Variants in LDB2 observed in about 807,000 individuals in gnomAD.
The protein encoded by LDB2 is LIM domain binding 2.
A neutral mutation model predicts 44.3 loss-of-function variants in LDB2; 12 were observed. That is an observed-to-expected ratio of 0.27 (90% confidence interval 0.17 to 0.44). LDB2 has a LOEUF of 0.44. LDB2 is among the 20% of genes least tolerant of loss of function. LDB2 has a pLI of 1.00. For missense variants in LDB2, 344 were observed against 473.5 expected, an observed-to-expected ratio of 0.73 and a Z score of 2.54; for synonymous variants, 164 against 174.8, an observed-to-expected ratio of 0.94 and a Z score of 0.49.
intron 4 of LDB2, among the ~76,000 whole-genome samples, chr4:16,587,757 CT>C: frequency 6.6e-6 from 1 of 152,232 alleles, no homozygotes; most frequent in Non-Finnish European, 1.5e-5. Context: ...GATTTTGCTA[CT>C]TTTGGGCTAA....
chr4:16,768,143 C>T (rs1486938454), intron 1 of LDB2, among the ~76,000 whole-genome samples: 3 of 152,100 alleles, frequency 2.0e-5, no homozygotes, highest in African/African-American at 4.8e-5. Flanking sequence ...TACACATACA[C>T]CCCCTCCAAA....
chr4:16,669,310 A>T (rs1055313547), intron 2 of LDB2, among the ~76,000 whole-genome samples: 1 of 152,170 alleles, frequency 6.6e-6, no homozygotes, highest in African/African-American at 2.4e-5. Flanking sequence ...TGCCTGCACT[A>T]GCCTCCTGGC....
chr4:16,680,213 C>G (rs1178287367), intron 2 of LDB2, among the ~76,000 whole-genome samples: 1 of 152,220 alleles, frequency 6.6e-6, no homozygotes, highest in South Asian at 2.1e-4. Context: ...GAGACAGCAT[C>G]TTAATGCTGG....
intron 1 of LDB2, among the ~76,000 whole-genome samples, chr4:16,862,707 GCT>G (rs1226104183): frequency 8.3e-5 from 12 of 145,382 alleles, no homozygotes; most frequent in Admixed American, 7.7e-4. Context: ...TCTCTAAATA[GCT>G]CTATCTGTGA....
intron 5 of LDB2, among the ~76,000 whole-genome samples, chr4:16,567,387 CGTGTGTGCAT>C (rs753841997): frequency 4.2e-3 from 62 of 14,932 alleles, no homozygotes; most frequent in South Asian, 8.8e-3. Flanking sequence ...TGTGTGTGCG[CGTGTGTGCAT>C]GCGTGTGTGT....
intron 2 of LDB2, among the ~76,000 whole-genome samples, chr4:16,669,468 T>A (rs975838213): frequency 6.6e-6 from 1 of 152,178 alleles, no homozygotes; most frequent in Non-Finnish European, 1.5e-5. Flanking sequence ...TCTTCCAGCC[T>A]ATACCCTTGT....
chr4:16,808,421 G>C (rs963329485), intron 1 of LDB2, among the ~76,000 whole-genome samples: 2 of 152,214 alleles, frequency 1.3e-5, no homozygotes, highest in East Asian at 3.9e-4. Context: ...GTAATGACCA[G>C]TGGAGGCTGG....
intron 2 of LDB2, among the ~76,000 whole-genome samples, 183 bp from the exon 3 acceptor site, chr4:16,596,058 C>A (rs1409570532): frequency 3.3e-5 from 5 of 152,032 alleles, no homozygotes; most frequent in Non-Finnish European, 7.4e-5. Context: ...AAAATATAAT[C>A]CCCAACTATT....
At chr4:16,835,424 C>T in intron 1 of LDB2, among the ~76,000 whole-genome samples, 1 of 152,244 alleles carries the variant, frequency 6.6e-6, no homozygotes, top group African/African-American at 2.4e-5. Flanking sequence ...AATATTTTTG[C>T]AAGTCTTCTA....
intron 2 of LDB2, among the ~76,000 whole-genome samples, chr4:16,754,941 T>C (rs1766218332): frequency 1.3e-5 from 2 of 152,324 alleles, no homozygotes; most frequent in South Asian, 4.1e-4. Context: ...CCTGTTCCCT[T>C]TCTCCTGCAC....
At chr4:16,877,231 T>C (rs1238299547) in intron 1 of LDB2, among the ~76,000 whole-genome samples, 1 of 152,216 alleles carries the variant, frequency 6.6e-6, no homozygotes, top group African/African-American at 2.4e-5. Context: ...TTCAAGGGGA[T>C]CATTGCAACG....
At chr4:16,546,883 G>A (rs978879386) in intron 5 of LDB2, among the ~76,000 whole-genome samples, 2 of 152,082 alleles carry the variant, frequency 1.3e-5, no homozygotes, top group African/African-American at 4.8e-5. Flanking sequence ...CTCTCCCCCA[G>A]TGTTGGTCTT....
At chr4:16,813,727 C>T (rs989994856) in intron 1 of LDB2, among the ~76,000 whole-genome samples, 4 of 152,154 alleles carry the variant, frequency 2.6e-5, no homozygotes, top group African/African-American at 9.7e-5. Context: ...CCCAAGCTCA[C>T]CAGCAAGTTA....
chr4:16,687,390 T>C (rs1222790799), intron 2 of LDB2, among the ~76,000 whole-genome samples: 1 of 152,100 alleles, frequency 6.6e-6, no homozygotes, highest in Non-Finnish European at 1.5e-5. Context: ...AGCAGGTAAA[T>C]TGCTGCCTAT....
chr4:16,870,053 C>A (rs1479037784), intron 1 of LDB2, among the ~76,000 whole-genome samples: 1 of 152,154 alleles, frequency 6.6e-6, no homozygotes, highest in Non-Finnish European at 1.5e-5. Context: ...CAGCAGCAAC[C>A]CCAAATGCTT....
At chr4:16,867,962 T>C (rs191160224) in intron 1 of LDB2, among the ~76,000 whole-genome samples, 1 of 152,232 alleles carries the variant, frequency 6.6e-6, no homozygotes, top group African/African-American at 2.4e-5. Context: ...TAAAATGAAA[T>C]CCATTTGCTA....
chr4:16,635,534 C>A (rs920481783), intron 2 of LDB2, among the ~76,000 whole-genome samples: 4 of 152,032 alleles, frequency 2.6e-5, no homozygotes, highest in Non-Finnish European at 5.9e-5. Context: ...CCATGCAAAC[C>A]CTATATTTGC....
chr4:16,811,812 T>C (rs2109859040), intron 1 of LDB2, among the ~76,000 whole-genome samples: 1 of 152,336 alleles, frequency 6.6e-6, no homozygotes, highest in South Asian at 2.1e-4. Context: ...GATATGCACA[T>C]GTATATTTGA....
intron 1 of LDB2, among the ~76,000 whole-genome samples, chr4:16,884,372 C>A (rs1450439171): frequency 3.3e-5 from 5 of 152,080 alleles, no homozygotes; most frequent in African/African-American, 4.8e-5. Context: ...AAAGTATAGT[C>A]TCTAAAAGGT....
Sources: gnomAD v4.1 joint callset for allele counts (sites outside exome capture counted in the v4.1 genomes callset) on GRCh38, gnomAD v4.1.1 for gene constraint, MANE v1.5 for transcripts, NCBI Gene and HGNC (gene_info 2026-07-23, HGNC 2026-07-21) for gene names.